The following ZBTB7C variants were observed in gnomAD, a reference collection of about 807,000 sequenced individuals.
ZBTB7C encodes zinc finger and BTB domain containing 7C.
In ZBTB7C, 8 loss-of-function variants were observed where a neutral mutation model predicts 25.7. That is an observed-to-expected ratio of 0.31 (90% CI 0.18 to 0.56). ZBTB7C has a LOEUF of 0.56. ZBTB7C is among the 20% of genes least tolerant of loss of function. The pLI, the probability that ZBTB7C is intolerant of heterozygous loss-of-function variation, is 0.91. For missense variants in ZBTB7C, 824 were observed against 855.2 expected, an observed-to-expected ratio of 0.96 and a Z score of 0.46; for synonymous variants, 394 against 369.0, an observed-to-expected ratio of 1.07 and a Z score of -0.78.
chr18:48,107,584 T>C (rs1490858311), intron 3 of ZBTB7C, among the ~76,000 whole-genome samples: 1 of 151,560 alleles, frequency 6.6e-6, no homozygotes, highest in Non-Finnish European at 1.5e-5. Flanking sequence ...GATAAGAAAG[T>C]GGAGATAAGA....
At chr18:48,079,489 C>T (rs975798929) in intron 3 of ZBTB7C, among the ~76,000 whole-genome samples, 1 of 152,214 alleles carries the variant, frequency 6.6e-6, no homozygotes, top group African/African-American at 2.4e-5. Flanking sequence ...GGGTCCACCT[C>T]ATTGGAGGGG....
chr18:48,111,467 C>T (rs2039237577), intron 3 of ZBTB7C, among the ~76,000 whole-genome samples: 1 of 152,170 alleles, frequency 6.6e-6, no homozygotes, highest in Non-Finnish European at 1.5e-5. Context: ...GTCATTTTCC[C>T]CCCATTTCCT....
intron 2 of ZBTB7C, among the ~76,000 whole-genome samples, chr18:48,254,054 C>G (rs939961452): frequency 6.6e-6 from 1 of 152,198 alleles, no homozygotes; most frequent in African/African-American, 2.4e-5. Flanking sequence ...CACCTTGTCC[C>G]ATGACTCTGA....
chr18:48,401,453 A>T (rs934244831), intron 1 of ZBTB7C, among the ~76,000 whole-genome samples: 7 of 152,188 alleles, frequency 4.6e-5, no homozygotes, highest in African/African-American at 1.7e-4. Context: ...TGATACTCAG[A>T]GAGCTTATGT....
At chr18:48,114,036 C>A (rs941429085) in intron 3 of ZBTB7C, among the ~76,000 whole-genome samples, 1 of 152,102 alleles carries the variant, frequency 6.6e-6, no homozygotes, top group African/African-American at 2.4e-5. Flanking sequence ...GCTCTAGAGG[C>A]AGTACTTCTG....
intron 4 of ZBTB7C, among the ~76,000 whole-genome samples, chr18:48,034,085 G>A (rs1033010211): frequency 6.6e-6 from 1 of 152,186 alleles, no homozygotes; most frequent in Non-Finnish European, 1.5e-5. Context: ...GCTGGAATAT[G>A]TTCTAGCTGG....
chr18:48,348,059 C>A (rs1324338987), intron 1 of ZBTB7C, among the ~76,000 whole-genome samples: 4 of 152,200 alleles, frequency 2.6e-5, no homozygotes, highest in Non-Finnish European at 5.9e-5. Context: ...ATGAGCCTTG[C>A]AAAATAATAA....
At chr18:48,186,392 G>A (rs1329183561) in intron 2 of ZBTB7C, among the ~76,000 whole-genome samples, 1 of 152,240 alleles carries the variant, frequency 6.6e-6, no homozygotes, top group Admixed American at 6.5e-5. Context: ...ACAGCACAGG[G>A]CATCTCCTTG....
intron 2 of ZBTB7C, among the ~76,000 whole-genome samples, chr18:48,268,036 G>C (rs2044363743): frequency 6.6e-6 from 1 of 152,110 alleles, no homozygotes; most frequent in Non-Finnish European, 1.5e-5. Context: ...CTCTCCATAG[G>C]CCAACATTCA....
At chr18:48,194,549 G>A (rs940527555) in intron 2 of ZBTB7C, among the ~76,000 whole-genome samples, 1 of 152,180 alleles carries the variant, frequency 6.6e-6, no homozygotes, top group Non-Finnish European at 1.5e-5. Context: ...GCTCCCAGGG[G>A]CAGCAGAGTA....
chr18:48,282,121 C>G (rs572170956), intron 2 of ZBTB7C, among the ~76,000 whole-genome samples: 3,759 of 150,634 alleles, frequency 0.025, 150 homozygotes, highest in African/African-American at 0.088. Context: ...CCATGGAATA[C>G]TATGCAGCCA....
intron 3 of ZBTB7C, among the ~76,000 whole-genome samples, chr18:48,184,355 C>G (rs2042002355): frequency 6.6e-6 from 1 of 152,180 alleles, no homozygotes; most frequent in East Asian, 1.9e-4. Flanking sequence ...CAGTTATGTG[C>G]AGCGGAAAGT....
intron 3 of ZBTB7C, among the ~76,000 whole-genome samples, chr18:48,054,854 A>G (rs781514583): frequency 2.2e-4 from 34 of 152,188 alleles, no homozygotes; most frequent in Admixed American, 6.5e-4. Flanking sequence ...TGCCCACTGC[A>G]GAAGCTGATG....
At chr18:48,396,293 T>C (rs952454105) in intron 1 of ZBTB7C, among the ~76,000 whole-genome samples, 2 of 152,172 alleles carry the variant, frequency 1.3e-5, no homozygotes, top group African/African-American at 4.8e-5. Context: ...GATTAGGAGA[T>C]GATTTGCAAA....
chr18:48,344,724 T>C (rs963266816), intron 1 of ZBTB7C, among the ~76,000 whole-genome samples: 1 of 152,222 alleles, frequency 6.6e-6, no homozygotes, highest in Non-Finnish European at 1.5e-5. Context: ...AGAATGCTTA[T>C]AGCATATTAA....
intron 3 of ZBTB7C, among the ~76,000 whole-genome samples, chr18:48,109,685 T>C (rs2039162772): frequency 6.6e-6 from 1 of 151,898 alleles, no homozygotes; most frequent in Non-Finnish European, 1.5e-5. Context: ...GGGAGGGAGC[T>C]GAGGCAGGGC....
At chr18:48,153,516 T>C (rs1164073945) in intron 3 of ZBTB7C, among the ~76,000 whole-genome samples, 4 of 152,090 alleles carry the variant, frequency 2.6e-5, no homozygotes, top group Non-Finnish European at 5.9e-5. Flanking sequence ...GGGAGCTTCC[T>C]GCCATGGTCC....
At chr18:48,202,412 G>T (rs1350783662) in intron 2 of ZBTB7C, among the ~76,000 whole-genome samples, 1 of 150,902 alleles carries the variant, frequency 6.6e-6, no homozygotes, top group Non-Finnish European at 1.5e-5. Flanking sequence ...AACCTTCCAG[G>T]TGAGAGAAAG....
At chr18:48,381,709 G>C (rs2047637507) in intron 1 of ZBTB7C, among the ~76,000 whole-genome samples, 1 of 152,204 alleles carries the variant, frequency 6.6e-6, no homozygotes, top group Non-Finnish European at 1.5e-5. Context: ...AAGAACAAAA[G>C]TATTTCTCAC....
Sources: gnomAD v4.1 joint callset for allele counts (sites outside exome capture counted in the v4.1 genomes callset) on GRCh38, gnomAD v4.1.1 for gene constraint, MANE v1.5 for transcripts, NCBI Gene and HGNC (gene_info 2026-07-23, HGNC 2026-07-21) for gene names.